The following TERF1 variants were observed in gnomAD, a reference collection of about 807,000 sequenced individuals.
TERF1 encodes telomeric repeat binding factor 1.
A neutral mutation model predicts 55.1 loss-of-function variants in TERF1; 20 were observed. That is an observed-to-expected ratio of 0.36 (90% CI 0.26 to 0.53). The LOEUF (loss-of-function observed/expected upper bound fraction) is 0.53, where lower values mean the gene tolerates loss of function less well. Ranked by LOEUF, TERF1 falls within the 20% of genes least tolerant of loss-of-function variation. The probability of loss-of-function intolerance (pLI) is 0.91; values close to 1 mark genes in which losing one functional copy is unlikely to be tolerated. For synonymous variants in TERF1, 168 were observed against 181.2 expected (o/e 0.93, Z 0.59); for missense variants, 439 against 535.7 (o/e 0.82, Z 1.78).
intron 8 of TERF1, among the ~76,000 whole-genome samples, chr8:73,035,263 G>C (rs1431083967): frequency 6.6e-6 from 1 of 151,994 alleles, no homozygotes; most frequent in Non-Finnish European, 1.5e-5. Context: ...AATAGTTGTA[G>C]CATTGTTTTC....
intron 1 of TERF1, chr8:73,010,875 T>C (rs952261738): frequency 6.6e-6 from 1 of 152,230 alleles, no homozygotes; most frequent in Non-Finnish European, 1.5e-5. Context: ...AATTTCCTTG[T>C]ATGTACGTCT....
At chr8:73,009,497 CCTTTGT>C (rs1808189108) in intron 1 of TERF1, 1 of 364,016 alleles carries the variant, frequency 2.7e-6, no homozygotes, top group Middle Eastern at 7.4e-4. Context: ...CAACCCAGTA[CCTTTGT>C]CTCTTTTGGC....
intron 8 of TERF1, among the ~76,000 whole-genome samples, chr8:73,037,397 TG>T (rs1352260296): frequency 7.6e-6 from 1 of 130,862 alleles, no homozygotes; most frequent in Non-Finnish European, 1.6e-5. Flanking sequence ...ATAAAATATT[TG>T]GGGGGAAAAT....
In TERF1 at chr8:73,047,266, T is replaced by A. The variant is rs1454683479; in HGVS notation, c.*1129T>A. The stretch of plus-strand genomic sequence containing the variant: ...TGTACTATTAGCAAGAATCATTTTG[T>A]GTCTCATTTAGAAACAATTTGACTT... On this transcript the variant is annotated 3_prime_UTR_variant, in exon 10 of 10. Coordinates refer to ENST00000276603, the MANE Select transcript of TERF1 (RefSeq NM_017489.3). The A allele has an allele frequency of 6.6e-6, 1 of 152,172 alleles. No homozygotes were observed. Among genetic ancestry groups the A allele is most frequent in the Non-Finnish European group, 1.5e-5 (1 of 68,028 alleles). The allele number at this position is 152,172 out of a possible 1,614,324, so 9.4% of individuals were successfully genotyped here.
At position 73,024,900 on chromosome 8, in the gene TERF1, C is replaced by T. The variant is rs1808913230; in HGVS notation, c.703C>T (p.His235Tyr). ...CTTTTTTCAACACTTCAGCTACAAC[C>T]ACATGATGGAGAAAATTAAGAGTTA... ...HSFFQHFSYN[H>Y]MMEKIKSYVN... The change falls in exon 5 of 10, where the codon CAC (histidine) becomes TAC (tyrosine). Residue 235 changes from histidine (H) to tyrosine (Y), a missense_variant. Transcript: ENST00000276603. 1 of 1,583,606 alleles carries T rather than the reference C, an allele frequency of 6.3e-7. No homozygotes were observed. Among genetic ancestry groups the T allele is most frequent in the Non-Finnish European group, 8.6e-7 (1 of 1,168,954 alleles).
At chr8:73,037,600 CAT>C (rs1329853939) in intron 8 of TERF1, among the ~76,000 whole-genome samples, 5 of 96,612 alleles carry the variant, frequency 5.2e-5, no homozygotes, top group Admixed American at 3.4e-4. Context: ...TATAACATAT[CAT>C]AAATTTATTA....
chr8:73,020,831 A>G, intron 3 of TERF1, 26 bp downstream of exon 3: 1 of 1,188,362 alleles, frequency 8.4e-7, no homozygotes, highest in Non-Finnish European at 1.2e-6. Flanking sequence ...TTTTATGCTT[A>G]TTATATTTCT....
rs1208116674 is a variant in TERF1 at position 73,029,382 on chromosome 8, T to C, written c.888-954T>C. 2.0e-5 allele frequency among the ~76,000 whole-genome samples: 3 copies of C among 152,160 alleles called. No homozygotes were observed. The East Asian group carries it at 5.8e-4, about 30-fold the overall frequency. On this transcript the variant is annotated intron_variant, in intron 6 of 9. Transcript: ENST00000276603. Reference sequence around the variant, plus strand: ...GCTCACACCTGTAATCCCAGCACTTTGAAAGGCTGAGGCAGGAGGATCACT... The same window carrying C: ...GCTCACACCTGTAATCCCAGCACTTCGAAAGGCTGAGGCAGGAGGATCACT...
At chr8:73,026,059 A>C (rs957925861) in intron 5 of TERF1, among the ~76,000 whole-genome samples, 1 of 148,550 alleles carries the variant, frequency 6.7e-6, no homozygotes, top group South Asian at 2.1e-4. Flanking sequence ...TTAGCCAGAC[A>C]TAGTGGCACA....
intron 6 of TERF1, among the ~76,000 whole-genome samples, chr8:73,029,517 T>C (rs1221870740): frequency 6.6e-6 from 1 of 151,716 alleles, no homozygotes; most frequent in Non-Finnish European, 1.5e-5. Context: ...TTAAGAGGCT[T>C]AGGTGAGAGG....
At chr8:73,037,925 A>G (rs1402138457) in intron 8 of TERF1, among the ~76,000 whole-genome samples, 1 of 128,848 alleles carries the variant, frequency 7.8e-6, no homozygotes, top group African/African-American at 2.9e-5. Context: ...TATATAATAT[A>G]TATAAATATT....
intron 4 of TERF1, 132 bp downstream of exon 4, chr8:73,022,434 A>C (rs1184676719): frequency 2.1e-6 from 1 of 480,240 alleles, no homozygotes; most frequent in African/African-American, 2.1e-5. Flanking sequence ...GCAACAGAAA[A>C]ACTACGCAAG....
chr8:73,039,064 C>A, intron 8 of TERF1, 52 bp from the exon 9 acceptor site: 1 of 1,190,486 alleles, frequency 8.4e-7, no homozygotes, highest in South Asian at 1.5e-5. Context: ...TATAATTGCT[C>A]TTTTTTCTTT....
Position 73,030,317 on chromosome 8 carries a change from A to T in TERF1, c.888-19A>T. The T allele has an allele frequency of 6.6e-7, 1 of 1,526,180 alleles. No individual in the cohort carries two copies. The highest frequency in any genetic ancestry group is 8.8e-7 in the Non-Finnish European group (1 of 1,139,534). The allele number at this position is 1,526,180 out of a possible 1,614,324, so 94.5% of individuals were successfully genotyped here. A position where few individuals can be genotyped will look rare whatever the true frequency, so the allele number is the denominator to read the frequency against. On this transcript the variant is annotated intron_variant, in intron 6 of 9. Coordinates refer to ENST00000276603, the MANE Select transcript of TERF1 (RefSeq NM_017489.3). ...GTTTCTTTTGTTTACATTCTTACAA[A>T]TTTTTTCTTCTTTTAAAGTGTTAGT...
intron 8 of TERF1, among the ~76,000 whole-genome samples, chr8:73,037,204 A>G (rs1009822504): frequency 1.1e-4 from 15 of 135,978 alleles, no homozygotes; most frequent in African/African-American, 4.1e-4. Flanking sequence ...ATTATATAAT[A>G]TAATTTATAT....
At chr8:73,027,536 A>G (rs987632227) in intron 6 of TERF1, among the ~76,000 whole-genome samples, 1 of 152,180 alleles carries the variant, frequency 6.6e-6, no homozygotes, top group Non-Finnish European at 1.5e-5. Flanking sequence ...ATATTGAGAG[A>G]TAGTTGTTAA....
chr8:73,009,363 C>T, intron 1 of TERF1, 158 bp downstream of exon 1: 1 of 663,440 alleles, frequency 1.5e-6, no homozygotes, highest in Non-Finnish European at 2.5e-6. Context: ...GTTCGAATCC[C>T]GGTTCGCCCG....
intron 8 of TERF1, among the ~76,000 whole-genome samples, chr8:73,037,727 A>T (rs1477875678): frequency 7.8e-5 from 7 of 89,530 alleles, no homozygotes; most frequent in African/African-American, 3.5e-4. Context: ...AATATATATT[A>T]TATAGTATGA....
rs1808515677 is a variant in TERF1, at chr8:73,016,592, A to C, written c.415+2602A>C. ...GGACTACAGGTGCACCATCAGGCCCAGTTAATTTTTTAATTTTTTGTAGAG... is the reference window on the plus strand; with the variant it reads ...GGACTACAGGTGCACCATCAGGCCCCGTTAATTTTTTAATTTTTTGTAGAG... On this transcript the variant is annotated intron_variant, in intron 2 of 9. Coordinates refer to ENST00000276603, the MANE Select transcript of TERF1 (RefSeq NM_017489.3). Among the ~76,000 whole-genome samples the C allele has an allele frequency of 2.0e-5, 3 of 151,904 alleles. No homozygotes were observed. The South Asian group carries it at 6.2e-4, about 32-fold the overall frequency.
Sources: allele counts gnomAD v4.1 joint callset (sites outside exome capture counted in the v4.1 genomes callset), GRCh38; gene constraint gnomAD v4.1.1; transcripts MANE v1.5; gene names NCBI Gene and HGNC (gene_info 2026-07-23, HGNC 2026-07-21).